GDI2: variants seen among roughly 807,000 people sequenced by gnomAD.
The protein encoded by GDI2 is GDP dissociation inhibitor 2.
Under a neutral mutation model 54.2 loss-of-function variants are expected in GDI2, and 22 were observed. The observed-to-expected ratio is 0.41, with a 90% CI of 0.29 to 0.58. The LOEUF is 0.58. Among genes scored for constraint, GDI2 ranks in the 20% least tolerant of loss-of-function variants. The pLI, the probability that GDI2 is intolerant of heterozygous loss-of-function variation, is 0.35. For synonymous variants in GDI2, 177 were observed against 182.1 expected, an observed-to-expected ratio of 0.97 and a Z score of 0.23; for missense variants, 422 against 546.0, an observed-to-expected ratio of 0.77 and a Z score of 2.26.
Position 5,766,753 on chromosome 10 carries a change from G to C in GDI2, c.992-115C>G, listed in dbSNP as rs946592852. 1.4e-6 allele frequency: 1 copy of C among 717,722 alleles called. No individual in the cohort carries two copies. The highest frequency in any genetic ancestry group is 2.5e-5 in the East Asian group (1 of 39,750). The allele number at this position is 717,722 out of a possible 1,614,324, so 44.5% of individuals were successfully genotyped here. A position where few individuals can be genotyped will look rare whatever the true frequency, so the allele number is the denominator to read the frequency against. The stretch of plus-strand genomic sequence containing the variant: ...AGTTAAAATTACTCTCAATAGGCAA[G>C]ATCTTCTACACTTAAGTTCTAAATG... On this transcript the variant is annotated intron_variant, in intron 8 of 10. Transcript: ENST00000380191. This position sits in a 1 kb window ranked among gnomAD's most constrained non-coding sequence, Gnocchi z 5.8.
At chr10:5,794,211 A>G (rs1312502098) in intron 4 of GDI2, among the ~76,000 whole-genome samples, 2 of 116,980 alleles carry the variant, frequency 1.7e-5, no homozygotes, top group Non-Finnish European at 3.7e-5. Context: ...ATATATATAT[A>G]TATATATATA....
intron 5 of GDI2, among the ~76,000 whole-genome samples, chr10:5,785,543 T>C (rs966955535): frequency 1.1e-4 from 16 of 152,068 alleles, no homozygotes; most frequent in Admixed American, 8.5e-4. Flanking sequence ...GCCCAACTAA[T>C]TTTTGCATTT....
In GDI2 at chr10:5,805,157, T is replaced by C. The variant is rs1343990737; in HGVS notation, c.46-4452A>G. ...ACTATCGGGAGCTTTTCAGAGTGTA[T>C]GGCTAACCCTGCAAGCAGGGCATCT... On this transcript the variant is annotated intron_variant, in intron 1 of 10. Coordinates refer to ENST00000380191, the MANE Select transcript of GDI2 (RefSeq NM_001494.4). Among the ~76,000 whole-genome samples, 6 of 151,910 alleles carry C rather than the reference T, an allele frequency of 3.9e-5. No individual in the cohort carries two copies. The East Asian group carries it at 9.7e-4, about 24-fold the overall frequency.
At chr10:5,791,538 G>A (rs530802408) in intron 4 of GDI2, among the ~76,000 whole-genome samples, 9 of 151,906 alleles carry the variant, frequency 5.9e-5, no homozygotes, top group Admixed American at 3.3e-4. Flanking sequence ...ATCTGAGGTC[G>A]GGAGTTTGAG....
chr10:5,779,511 T>G (rs1383002065), intron 6 of GDI2, among the ~76,000 whole-genome samples: 2 of 144,298 alleles, frequency 1.4e-5, no homozygotes, highest in African/African-American at 2.6e-5. Flanking sequence ...AAAAAAAAAA[T>G]AAGAAAAAAT....
rs187294615 is a variant in GDI2, at chr10:5,776,465, G to A, written c.720-2524C>T. 4.4e-4 allele frequency: 411 copies of A among 939,828 alleles called. 1 individual carries two copies. The Admixed American group carries it at 6.4e-3, about 15-fold the overall frequency. 58.2% of individuals were successfully genotyped at this position (939,828 alleles called of 1,614,324 possible). Reference sequence around the variant, plus strand: ...CGCTACTATTTTTACTTTAGCAAAAGAGTGAGCCAGCAGAGCCATGTATTA... The same window carrying A: ...CGCTACTATTTTTACTTTAGCAAAAAAGTGAGCCAGCAGAGCCATGTATTA... On this transcript the variant is annotated intron_variant, in intron 6 of 10. Transcript: ENST00000380191. This position sits in a 1 kb window ranked among gnomAD's most constrained non-coding sequence, Gnocchi z 5.3.
At position 5,773,425 on chromosome 10, in the gene GDI2, C is replaced by T. The variant is rs568965997; in HGVS notation, c.819+417G>A. Among the ~76,000 whole-genome samples, 13 of 152,038 alleles carry T rather than the reference C, an allele frequency of 8.6e-5. No individual in the cohort carries two copies. The East Asian group carries it at 2.3e-3, about 27-fold the overall frequency. ...AAGAGGTTTCAAGAAAATGCAGAGCCTTCTCAGACCTACTGATTAGAACAT... is the reference window on the plus strand; with the variant it reads ...AAGAGGTTTCAAGAAAATGCAGAGCTTTCTCAGACCTACTGATTAGAACAT... On this transcript the variant is annotated intron_variant, in intron 7 of 10. Transcript: ENST00000380191.
chr10:5,786,775 T>C (rs1027265860), intron 4 of GDI2, among the ~76,000 whole-genome samples: 3 of 152,238 alleles, frequency 2.0e-5, no homozygotes, highest in Non-Finnish European at 4.4e-5. Flanking sequence ...CGCCTCTGTA[T>C]GCTAAGATAC....
chr10:5,810,414 T>C (rs1841460771), intron 1 of GDI2, among the ~76,000 whole-genome samples: 1 of 152,120 alleles, frequency 6.6e-6, no homozygotes, highest in South Asian at 2.1e-4. Context: ...TATGTGCAAA[T>C]TATGTGGTGA....
intron 2 of GDI2, among the ~76,000 whole-genome samples, chr10:5,800,076 T>C (rs573519000): frequency 4.4e-4 from 67 of 152,332 alleles, no homozygotes; most frequent in African/African-American, 1.6e-3. Flanking sequence ...ATCATATCCA[T>C]ATACGTAGGT....
chr10:5,794,227 ATATAT>A (rs1564396064), intron 4 of GDI2, among the ~76,000 whole-genome samples: 20 of 128,476 alleles, frequency 1.6e-4, no homozygotes, highest in African/African-American at 4.8e-4. Flanking sequence ...ATATATATAT[ATATAT>A]AAAACTCACC....
At chr10:5,794,762 G>A (rs1259568151) in intron 4 of GDI2, 123 bp downstream of exon 4, 2 of 706,188 alleles carry the variant, frequency 2.8e-6, no homozygotes, top group Non-Finnish European at 4.9e-6. Context: ...AACAGTGTCT[G>A]GCACATGATA....
At position 5,793,091 on chromosome 10, in the gene GDI2, C is replaced by T. The variant is rs117416257; in HGVS notation, c.388+1794G>A. ...CTCACTGCAGCTTTGATTTCCTGGACTCAAGCGATCCTCCTGCCTCAGCCT... is the reference window on the plus strand; with the variant it reads ...CTCACTGCAGCTTTGATTTCCTGGATTCAAGCGATCCTCCTGCCTCAGCCT... On this transcript the variant is annotated intron_variant, in intron 4 of 10. Transcript: ENST00000380191. Among the ~76,000 whole-genome samples, 1,056 of 152,154 alleles carry T rather than the reference C, an allele frequency of 6.9e-3. 2 individuals are homozygous for T. The highest frequency in any genetic ancestry group is 0.01 in the Non-Finnish European group (703 of 68,004).
intron 6 of GDI2, among the ~76,000 whole-genome samples, chr10:5,781,668 G>A (rs974225438): frequency 1.4e-5 from 2 of 145,198 alleles, no homozygotes; most frequent in African/African-American, 2.5e-5. Flanking sequence ...GACCCAAAAA[G>A]CTATAAACAT....
intron 6 of GDI2, among the ~76,000 whole-genome samples, chr10:5,779,912 C>T (rs1840713494): frequency 6.6e-6 from 1 of 152,004 alleles, no homozygotes. Context: ...AGGCTGGTCT[C>T]CAACTCCTGG....
At chr10:5,786,877 AT>A (rs1213694283) in intron 4 of GDI2, among the ~76,000 whole-genome samples, 1 of 152,192 alleles carries the variant, frequency 6.6e-6, no homozygotes, top group Non-Finnish European at 1.5e-5. Flanking sequence ...CTAGTCACTT[AT>A]TTTACTGAAG....
At chr10:5,781,765 G>A (rs1191513017) in intron 6 of GDI2, among the ~76,000 whole-genome samples, 3 of 152,076 alleles carry the variant, frequency 2.0e-5, no homozygotes, top group African/African-American at 7.2e-5. Flanking sequence ...TGTAATCCCA[G>A]CACTTTGGGA....
chr10:5,766,695 TACTC>T lies in GDI2; in HGVS notation c.992-61_992-58del. 2 of 1,399,812 alleles carry T rather than the reference TACTC, an allele frequency of 1.4e-6. No homozygotes were observed. Among genetic ancestry groups the T allele is most frequent in the Non-Finnish European group, 2.0e-6 (2 of 987,106 alleles). 86.7% of individuals were successfully genotyped at this position (1,399,812 alleles called of 1,614,324 possible). ...AAGTGTCTCCATCTGGGACCCAACA[TACTC>T]AGGTATCACCCATATGTCATGAGGT... On this transcript the variant is annotated intron_variant, in intron 8 of 10. Coordinates refer to ENST00000380191, the MANE Select transcript of GDI2 (RefSeq NM_001494.4). This position sits in a 1 kb window ranked among gnomAD's most constrained non-coding sequence, Gnocchi z 5.8.
At chr10:5,802,415 A>G (rs1051874537) in intron 1 of GDI2, among the ~76,000 whole-genome samples, 1 of 152,138 alleles carries the variant, frequency 6.6e-6, no homozygotes, top group African/African-American at 2.4e-5. Context: ...CCTGGCCAAC[A>G]TGGTGAAACC....
Sources: gnomAD v4.1 joint callset for allele counts (sites outside exome capture counted in the v4.1 genomes callset) on GRCh38, gnomAD v4.1.1 for gene constraint, Gnocchi (gnomAD v3.1) non-coding constraint, MANE v1.5 for transcripts, NCBI Gene and HGNC (gene_info 2026-07-23, HGNC 2026-07-21) for gene names.